FAT3: variants seen among roughly 807,000 people sequenced by gnomAD.
The protein encoded by FAT3 is protocadherin Fat 3.
Under a neutral mutation model 310.2 loss-of-function variants are expected in FAT3, and 95 were observed. The ratio of observed to expected loss-of-function variants is 0.31; its 90% CI spans 0.26 to 0.36. The LOEUF (loss-of-function observed/expected upper bound fraction) is 0.36. Among genes scored for constraint, FAT3 ranks in the 10% least tolerant of loss-of-function variants. FAT3 has a pLI of 1.00. For missense variants in FAT3, 5,408 were observed against 5,715.6 expected, an observed-to-expected ratio of 0.95 and a Z score of 1.74; for synonymous variants, 2,314 against 2,192.9, an observed-to-expected ratio of 1.06 and a Z score of -1.54.
chr11:92,581,025 T>C (rs1006453143), intron 3 of FAT3, among the ~76,000 whole-genome samples: 1 of 152,060 alleles, frequency 6.6e-6, no homozygotes, highest in African/African-American at 2.4e-5. Flanking sequence ...TCTGGCTAAT[T>C]CCATCATTCA....
intron 3 of FAT3, among the ~76,000 whole-genome samples, chr11:92,552,671 T>G (rs1225124558): frequency 6.6e-6 from 1 of 152,338 alleles, no homozygotes; most frequent in Non-Finnish European, 1.5e-5. Flanking sequence ...CCTTTAATCT[T>G]AAAGTCTCAG....
chr11:92,540,032 T>C (rs1020079281), intron 3 of FAT3, among the ~76,000 whole-genome samples: 1 of 152,154 alleles, frequency 6.6e-6, no homozygotes, highest in Non-Finnish European at 1.5e-5. Context: ...CTGCAAATCA[T>C]GTAGCCCATC....
chr11:92,372,331 C>T (rs538152534), intron 2 of FAT3, among the ~76,000 whole-genome samples: 6 of 148,332 alleles, frequency 4.0e-5, no homozygotes, highest in East Asian at 2.0e-4. Context: ...GGTGAACAGT[C>T]GATGTTTAGG....
intron 3 of FAT3, among the ~76,000 whole-genome samples, chr11:92,694,322 G>A (rs1434710874): frequency 2.0e-5 from 3 of 152,154 alleles, no homozygotes; most frequent in Non-Finnish European, 1.5e-5. Flanking sequence ...TAGAAGCCAA[G>A]AGAACTGTAA....
chr11:92,756,027 T>G (rs1945981246), intron 4 of FAT3, among the ~76,000 whole-genome samples: 1 of 152,238 alleles, frequency 6.6e-6, no homozygotes, highest in Non-Finnish European at 1.5e-5. Flanking sequence ...AGATGAAAAT[T>G]CATTCTCTGT....
intron 3 of FAT3, among the ~76,000 whole-genome samples, chr11:92,672,877 G>A (rs1414188460): frequency 6.6e-6 from 1 of 152,146 alleles, no homozygotes; most frequent in East Asian, 1.9e-4. Context: ...ACTGTGAGGA[G>A]GAATTTATGA....
chr11:92,638,684 G>C (rs1245097088), intron 3 of FAT3, among the ~76,000 whole-genome samples: 1 of 152,158 alleles, frequency 6.6e-6, no homozygotes, highest in Non-Finnish European at 1.5e-5. Flanking sequence ...ATAATTTTCA[G>C]AAGTCATGAA....
chr11:92,575,110 A>G (rs1938408204), intron 3 of FAT3, among the ~76,000 whole-genome samples: 1 of 151,988 alleles, frequency 6.6e-6, no homozygotes, highest in African/African-American at 2.4e-5. Flanking sequence ...TCCATTTGTT[A>G]GTTAGTTGTC....
chr11:92,525,620 A>G (rs993079466), intron 3 of FAT3, among the ~76,000 whole-genome samples: 2 of 152,194 alleles, frequency 1.3e-5, no homozygotes, highest in African/African-American at 4.8e-5. Flanking sequence ...TTTTTTGCAG[A>G]TCTGAGAGGT....
At chr11:92,878,634 T>TAAAAAAAAAAAAAAAA (rs145900689) in intron 22 of FAT3, among the ~76,000 whole-genome samples, 9 of 21,216 alleles carry the variant, frequency 4.2e-4, no homozygotes, top group African/African-American at 8.5e-4. Flanking sequence ...TGTTATGTGT[T>TAAAAAAAAAAAAAAAA]AAAAAAAAAA....
At chr11:92,528,629 G>T (rs575100549) in intron 3 of FAT3, among the ~76,000 whole-genome samples, 1 of 151,440 alleles carries the variant, frequency 6.6e-6, no homozygotes, top group Non-Finnish European at 1.5e-5. Context: ...CTCATGATCC[G>T]CCCGCCTTGG....
chr11:92,356,503 C>G (rs1020760918), intron 2 of FAT3, among the ~76,000 whole-genome samples: 1 of 152,180 alleles, frequency 6.6e-6, no homozygotes, highest in Non-Finnish European at 1.5e-5. Context: ...AGTCCAAGAT[C>G]AGGGCACCAG....
At position 92,306,575 on chromosome 11, in the gene FAT3, T is replaced by G. The variant is rs557161655; in HGVS notation, c.-17-45521T>G. The stretch of plus-strand genomic sequence containing the variant: ...TGTTATATATATTTATATTATATAT[T>G]ATATATATTTATATTATATATATTA... On this transcript the variant is annotated intron_variant, in intron 1 of 27. Transcript: ENST00000525166. Among the ~76,000 whole-genome samples, 222 of 125,130 alleles carry G rather than the reference T, an allele frequency of 1.8e-3. 3 individuals are homozygous for G. The South Asian group carries it at 0.032, about 18-fold the overall frequency. 82.1% of individuals were successfully genotyped at this position (125,130 alleles called of 152,430 possible).
intron 1 of FAT3, among the ~76,000 whole-genome samples, chr11:92,332,263 A>G (rs1216432774): frequency 6.6e-6 from 1 of 152,184 alleles, no homozygotes; most frequent in Non-Finnish European, 1.5e-5. Flanking sequence ...CCTCTGCTCC[A>G]TCTGGATTTC....
At chr11:92,770,744 T>C (rs1946436265) in intron 6 of FAT3, among the ~76,000 whole-genome samples, 1 of 152,182 alleles carries the variant, frequency 6.6e-6, no homozygotes, top group Non-Finnish European at 1.5e-5. Flanking sequence ...ATTGGGTGTC[T>C]TTACGGAGGG....
intron 3 of FAT3, among the ~76,000 whole-genome samples, chr11:92,596,708 C>G (rs188247881): frequency 1.8e-4 from 27 of 152,330 alleles, no homozygotes; most frequent in Non-Finnish European, 3.5e-4. Flanking sequence ...TAAATAATCT[C>G]TGTCAGGCTT....
At chr11:92,651,129 T>G (rs989347925) in intron 3 of FAT3, among the ~76,000 whole-genome samples, 3 of 152,220 alleles carry the variant, frequency 2.0e-5, no homozygotes, top group African/African-American at 7.2e-5. Context: ...CTCCTATAGT[T>G]CCAGCATCTT....
intron 1 of FAT3, among the ~76,000 whole-genome samples, chr11:92,291,080 TACACACACACACACACACACACAC>T (rs141883138): frequency 7.0e-6 from 1 of 142,796 alleles, no homozygotes; most frequent in Non-Finnish European, 1.5e-5. Context: ...CTTTTTATTC[TACACACACACACACACACACACAC>T]ACACACACAC....
chr11:92,396,611 C>G (rs1004916530), intron 2 of FAT3, among the ~76,000 whole-genome samples: 8 of 152,344 alleles, frequency 5.3e-5, no homozygotes, highest in African/African-American at 1.9e-4. Context: ...TGAGAAATCA[C>G]AGCTCAGAAG....
Sources: gnomAD v4.1 joint callset for allele counts (sites outside exome capture counted in the v4.1 genomes callset) on GRCh38, gnomAD v4.1.1 for gene constraint, MANE v1.5 for transcripts, NCBI Gene and HGNC (gene_info 2026-07-23, HGNC 2026-07-21) for gene names.